The following SLC9A9 variants were observed in gnomAD, a reference collection of about 807,000 sequenced individuals.
SLC9A9 encodes sodium/hydrogen exchanger 9.
A neutral mutation model predicts 77.8 loss-of-function variants in SLC9A9; 62 were observed. That is an observed-to-expected ratio of 0.80 (90% CI 0.65 to 0.98). The LOEUF (loss-of-function observed/expected upper bound fraction) is 0.98, where lower values mean the gene tolerates loss of function less well. Ranked by LOEUF, SLC9A9 falls within the 50% of genes least tolerant of loss-of-function variation. The probability of loss-of-function intolerance (pLI) is 0.00; values close to 1 mark genes in which losing one functional copy is unlikely to be tolerated. For missense variants in SLC9A9, 775 were observed against 774.9 expected (o/e 1.00, Z 0.00); for synonymous variants, 320 against 283.5 (o/e 1.13, Z -1.29).
At chr3:143,560,987 C>G (rs2037074920) in intron 8 of SLC9A9, among the ~76,000 whole-genome samples, 1 of 152,100 alleles carries the variant, frequency 6.6e-6, no homozygotes, top group South Asian at 2.1e-4. Flanking sequence ...TCGAGACCAG[C>G]CTGGTCAAAA....
chr3:143,605,778 T>C (rs1389821276), intron 6 of SLC9A9, among the ~76,000 whole-genome samples: 1 of 152,210 alleles, frequency 6.6e-6, no homozygotes, highest in Non-Finnish European at 1.5e-5. Flanking sequence ...CTGACAGGTG[T>C]ATAGAACCGT....
intron 12 of SLC9A9, among the ~76,000 whole-genome samples, chr3:143,460,542 G>C (rs1278903432): frequency 6.6e-6 from 1 of 151,942 alleles, no homozygotes; most frequent in East Asian, 1.9e-4. Context: ...TCCTTTAATA[G>C]ACCAGAATGT....
intron 14 of SLC9A9, among the ~76,000 whole-genome samples, chr3:143,277,940 A>G (rs1424482453): frequency 6.6e-6 from 1 of 152,112 alleles, no homozygotes. Flanking sequence ...TCCTATAAGC[A>G]CTAGAGTTTT....
At chr3:143,383,077 G>C (rs1224173586) in intron 12 of SLC9A9, among the ~76,000 whole-genome samples, 1 of 152,220 alleles carries the variant, frequency 6.6e-6, no homozygotes, top group Non-Finnish European at 1.5e-5. Context: ...CAGTGTACAT[G>C]CTTTGCCATT....
At chr3:143,670,685 G>C (rs962891238) in intron 5 of SLC9A9, among the ~76,000 whole-genome samples, 8 of 152,136 alleles carry the variant, frequency 5.3e-5, no homozygotes, top group African/African-American at 1.9e-4. Flanking sequence ...TCCCCACCAG[G>C]TGGTACTCTG....
At chr3:143,339,722 T>G (rs960097967) in intron 14 of SLC9A9, among the ~76,000 whole-genome samples, 2 of 152,192 alleles carry the variant, frequency 1.3e-5, no homozygotes, top group African/African-American at 4.8e-5. Context: ...GAATACTCAA[T>G]AATCACGTCT....
rs538345611 is a variant in SLC9A9, at chr3:143,810,625, A to C, written c.379-13722T>G. Among the ~76,000 whole-genome samples, 9 of 152,376 alleles carry C rather than the reference A, an allele frequency of 5.9e-5. No individual in the cohort carries two copies. The East Asian group carries it at 1.7e-3, about 29-fold the overall frequency. ...AAATGAAATGTGTGCTTTCCAAGGA[A>C]ACATGAGGCTAACATAACCATTTTA... is the stretch of plus-strand genomic sequence containing the variant. On this transcript the variant is annotated intron_variant, in intron 2 of 15. Coordinates refer to ENST00000316549, the MANE Select transcript of SLC9A9 (RefSeq NM_173653.4).
intron 9 of SLC9A9, among the ~76,000 whole-genome samples, chr3:143,526,625 C>T (rs534612986): frequency 2.9e-4 from 44 of 152,238 alleles, no homozygotes; most frequent in Middle Eastern, 3.4e-3. Context: ...CTCGAGCAAC[C>T]AATTCCATTT....
chr3:143,439,682 T>C (rs1331785705), intron 12 of SLC9A9, among the ~76,000 whole-genome samples: 1 of 152,148 alleles, frequency 6.6e-6, no homozygotes, highest in East Asian at 1.9e-4. Context: ...ATGTCATTCT[T>C]CCCTGTATCC....
In SLC9A9 at chr3:143,832,129, G is replaced by T. The variant is rs916964747; in HGVS notation, c.268C>A (p.Pro90Thr). The T allele has an allele frequency of 8.7e-6, 14 of 1,613,004 alleles. No homozygotes were observed. The highest frequency in any genetic ancestry group is 1.3e-5 in the African/African-American group (1 of 74,830). The change falls in exon 2 of 16, where the codon CCA becomes ACA. Residue 90 changes from proline (P) to threonine (T), a missense_variant. Coordinates refer to ENST00000316549, the MANE Select transcript of SLC9A9 (RefSeq NM_173653.4). ...VYDCVKLTFSPSTLLVNITDQ... is the reference protein window; with the variant it reads ...VYDCVKLTFSTSTLLVNITDQ... ...GTGATATTAACCAGCAGAGTTGATG[G>T]ACTGAAAGTTAGTTTTACACAGTCA...
At chr3:143,365,838 G>C (rs1156900404) in intron 13 of SLC9A9, among the ~76,000 whole-genome samples, 1 of 152,170 alleles carries the variant, frequency 6.6e-6, no homozygotes, top group Admixed American at 6.5e-5. Flanking sequence ...TTTGTCAACA[G>C]CATATTGGGG....
intron 4 of SLC9A9, among the ~76,000 whole-genome samples, chr3:143,747,816 T>C (rs1283242893): frequency 6.6e-6 from 1 of 152,226 alleles, no homozygotes; most frequent in Non-Finnish European, 1.5e-5. Context: ...TTGTAGTAAT[T>C]TGTTACAGCA....
At chr3:143,773,337 T>G (rs1279576992) in intron 4 of SLC9A9, among the ~76,000 whole-genome samples, 1 of 152,152 alleles carries the variant, frequency 6.6e-6, no homozygotes, top group African/African-American at 2.4e-5. Context: ...TTCCACCATA[T>G]AGCTACAATA....
intron 6 of SLC9A9, among the ~76,000 whole-genome samples, chr3:143,650,594 T>C (rs1315863460): frequency 6.6e-6 from 1 of 152,198 alleles, no homozygotes; most frequent in Non-Finnish European, 1.5e-5. Flanking sequence ...GGAAGTCAAA[T>C]GTTTTTACTT....
At chr3:143,401,644 C>T (rs2033863843) in intron 12 of SLC9A9, among the ~76,000 whole-genome samples, 1 of 152,134 alleles carries the variant, frequency 6.6e-6, no homozygotes, top group African/African-American at 2.4e-5. Flanking sequence ...AAATGTTTCT[C>T]TAAGGTACCT....
chr3:143,513,043 C>A (rs2036142862), intron 9 of SLC9A9, among the ~76,000 whole-genome samples: 1 of 152,146 alleles, frequency 6.6e-6, no homozygotes, highest in Non-Finnish European at 1.5e-5. Flanking sequence ...ACTGATAAGG[C>A]TGGTGGTTGC....
chr3:143,555,084 G>A (rs1448672568), intron 8 of SLC9A9, among the ~76,000 whole-genome samples: 1 of 152,184 alleles, frequency 6.6e-6, no homozygotes, highest in Non-Finnish European at 1.5e-5. Flanking sequence ...ATTCCCACAT[G>A]TTGTGGGAGG....
intron 12 of SLC9A9, among the ~76,000 whole-genome samples, chr3:143,409,465 A>G (rs2034050439): frequency 6.6e-6 from 1 of 152,210 alleles, no homozygotes; most frequent in South Asian, 2.1e-4. Flanking sequence ...ACACCAGAAA[A>G]GCTTAAAATC....
intron 10 of SLC9A9, among the ~76,000 whole-genome samples, chr3:143,494,110 G>A (rs142572633): frequency 3.0e-4 from 46 of 152,220 alleles, no homozygotes; most frequent in African/African-American, 1.1e-3. Context: ...CAGATGCTGT[G>A]GCATTATCTT....
Sources: allele counts gnomAD v4.1 joint callset (sites outside exome capture counted in the v4.1 genomes callset), GRCh38; gene constraint gnomAD v4.1.1; transcripts MANE v1.5; gene names NCBI Gene and HGNC (gene_info 2026-07-23, HGNC 2026-07-21).